The following SLC13A5 variants were observed in gnomAD, a reference collection of about 807,000 sequenced individuals.
SLC13A5 encodes Na(+)/citrate cotransporter.
In SLC13A5, 25 loss-of-function variants were observed where a neutral mutation model predicts 56.5. The observed-to-expected ratio is 0.44, with a 90% CI of 0.32 to 0.62. SLC13A5 has a LOEUF of 0.62. SLC13A5 is among the 20% of genes least tolerant of loss of function. The pLI is 0.04. For synonymous variants in SLC13A5, 307 were observed against 301.5 expected, an observed-to-expected ratio of 1.02 and a Z score of -0.19; for missense variants, 649 against 737.8, an observed-to-expected ratio of 0.88 and a Z score of 1.39.
Position 6,701,185 on chromosome 17 carries a change from T to C in SLC13A5, c.717-59A>G. 1 of 1,604,116 alleles carries C rather than the reference T, an allele frequency of 6.2e-7. No homozygotes were observed. The highest frequency in any genetic ancestry group is 8.5e-7 in the Non-Finnish European group (1 of 1,175,146). On this transcript the variant is annotated intron_variant, in intron 5 of 11. Coordinates refer to ENST00000433363, the MANE Select transcript of SLC13A5 (RefSeq NM_177550.5). This position sits in a 1 kb window ranked among gnomAD's most constrained non-coding sequence, Gnocchi z 4.1. Reference sequence around the variant, plus strand: ...TGAGCTGTGGGAGCCAGCCTGGCCCTGTGCGTGGGGACGGAGCAGCAGCTG... The same window carrying C: ...TGAGCTGTGGGAGCCAGCCTGGCCCCGTGCGTGGGGACGGAGCAGCAGCTG...
chr17:6,708,665 G>A (rs1335280511), intron 1 of SLC13A5, among the ~76,000 whole-genome samples: 1 of 152,248 alleles, frequency 6.6e-6, no homozygotes, highest in East Asian at 1.9e-4. Context: ...TTGAAAACAA[G>A]TTAGATAATT....
At chr17:6,710,477 G>A (rs1973990663) in intron 1 of SLC13A5, among the ~76,000 whole-genome samples, 1 of 152,156 alleles carries the variant, frequency 6.6e-6, no homozygotes, top group South Asian at 2.1e-4. Context: ...GCAGTAGGTG[G>A]CGTGCGTCAC....
Position 6,701,138 on chromosome 17 carries a change from C to T in SLC13A5, c.717-12G>A. 1.2e-6 allele frequency: 2 copies of T among 1,613,282 alleles called. No individual in the cohort carries two copies. Among genetic ancestry groups the T allele is most frequent in the South Asian group, 1.1e-5 (1 of 90,988 alleles). ...TGTCAGGAAACAACCTACAAGAAGA[C>T]ACCGGCCCCCACCTCAGATGCTGAG... On this transcript the variant is annotated splice_polypyrimidine_tract_variant and intron_variant, in intron 5 of 11. Transcript: ENST00000433363. The surrounding 1 kb of genome is among the most constrained non-coding windows in gnomAD (Gnocchi z 4.1).
At chr17:6,690,966 T>C (rs1404115250) in intron 9 of SLC13A5, 26 bp from the exon 10 acceptor site, 3 of 1,578,670 alleles carry the variant, frequency 1.9e-6, no homozygotes, top group Non-Finnish European at 2.6e-6. Context: ...AGGGCAGTCA[T>C]CTCAGCGCTC....
At position 6,706,588 on chromosome 17, in the gene SLC13A5, C is replaced by T. The variant is rs577613110; in HGVS notation, c.368+54G>A. The T allele has an allele frequency of 4.5e-4, 721 of 1,593,120 alleles. 10 individuals carry two copies. In the South Asian group the frequency reaches 6.4e-3, roughly 14 times the overall value. The stretch of plus-strand genomic sequence containing the variant: ...GGTCTGTGCCATCCTCCACCCCCTT[C>T]CAGCCCTGGGGCTCATGCAGAGCCA... On this transcript the variant is annotated intron_variant, in intron 3 of 11. Coordinates refer to ENST00000433363, the MANE Select transcript of SLC13A5 (RefSeq NM_177550.5).
chr17:6,695,650 C>A (rs1395966201), intron 7 of SLC13A5, 76 bp downstream of exon 7: 50 of 1,505,348 alleles, frequency 3.3e-5, no homozygotes, highest in Middle Eastern at 1.7e-4. Context: ...CTCAGCCTCC[C>A]AAAGTGCTGG....
In SLC13A5 at chr17:6,706,942, C is replaced by A. The variant is rs772032286; in HGVS notation, c.231+86G>T. ...ACAAATGAGGGTTTTCCGGTCACCC[C>A]CAGGCCTGTGCGACTCACAGTGGGG... On this transcript the variant is annotated intron_variant, in intron 2 of 11. Coordinates refer to ENST00000433363, the MANE Select transcript of SLC13A5 (RefSeq NM_177550.5). The A allele has an allele frequency of 1.9e-6, 3 of 1,588,634 alleles. No homozygotes were observed. In the Admixed American group the frequency reaches 5.1e-5, roughly 27 times the overall value.
chr17:6,703,788 A>C, intron 4 of SLC13A5, 90 bp downstream of exon 4: 2 of 1,361,180 alleles, frequency 1.5e-6, no homozygotes, highest in Non-Finnish European at 2.0e-6. Flanking sequence ...CGGGAAGCAG[A>C]CAGGGAGAAG....
intron 1 of SLC13A5, among the ~76,000 whole-genome samples, chr17:6,710,286 T>A (rs1166705922): frequency 2.0e-5 from 3 of 152,240 alleles, no homozygotes; most frequent in African/African-American, 7.2e-5. Context: ...TGCTTCTTAC[T>A]ATCATCAAGT....
chr17:6,691,349 T>G (rs1313316667), intron 9 of SLC13A5, among the ~76,000 whole-genome samples: 1 of 152,196 alleles, frequency 6.6e-6, no homozygotes, highest in Non-Finnish European at 1.5e-5. Context: ...TCTGTTCCCC[T>G]CCTTCCTTAT....
chr17:6,705,788 C>T (rs947100592), intron 3 of SLC13A5, among the ~76,000 whole-genome samples: 4 of 152,142 alleles, frequency 2.6e-5, no homozygotes, highest in Non-Finnish European at 4.4e-5. Flanking sequence ...GGGCCAAGGA[C>T]GTGCCATCAT....
chr17:6,691,918 C>A (rs1261619804), intron 9 of SLC13A5, among the ~76,000 whole-genome samples: 1 of 152,194 alleles, frequency 6.6e-6, no homozygotes, highest in Non-Finnish European at 1.5e-5. Context: ...GCCTTACCAG[C>A]CTCATCTTCT....
In SLC13A5 at chr17:6,690,810, G is replaced by C. The variant is rs1597656724; in HGVS notation, c.1406C>G (p.Thr469Ser). 4.3e-6 allele frequency: 7 copies of C among 1,614,242 alleles called. No individual in the cohort carries two copies. In the East Asian group the frequency reaches 1.6e-4, roughly 36 times the overall value. ...GGCAAAGATGGGCAGGAACAAGGTG[G>C]TGGTGGCCACGTTGCTTGTGCACTC... ...FTECTSNVAT[T>S]TLFLPIFASM... The change falls in exon 10 of 12, where the codon ACC (threonine) becomes AGC (serine). Residue 469 changes from threonine to serine, a missense_variant. Coordinates refer to ENST00000433363, the MANE Select transcript of SLC13A5 (RefSeq NM_177550.5).
intron 6 of SLC13A5, among the ~76,000 whole-genome samples, chr17:6,697,901 C>T (rs1298506534): frequency 6.6e-6 from 1 of 152,200 alleles, no homozygotes; most frequent in Non-Finnish European, 1.5e-5. Context: ...TAACCTCGTT[C>T]TCCAGGATCG....
At position 6,713,339 on chromosome 17, in the gene SLC13A5, G is replaced by A. The variant is rs758743938; in HGVS notation, c.-6C>T. 1.9e-6 allele frequency: 3 copies of A among 1,613,248 alleles called. No homozygotes were observed. The highest frequency in any genetic ancestry group is 2.2e-5 in the East Asian group (1 of 44,836). On this transcript the variant is annotated 5_prime_UTR_variant, in exon 1 of 12. Coordinates refer to ENST00000433363, the MANE Select transcript of SLC13A5 (RefSeq NM_177550.5). The surrounding 1 kb of genome is among the most constrained non-coding windows in gnomAD (Gnocchi z 7.3). ...TAGCTCAGCGCCGAGGCCATCGCGC[G>A]GGAGGGAGACTGGCGGGCGAGACGA...
Position 6,687,888 on chromosome 17 carries a change from T to C in SLC13A5, c.1438-222A>G. 2.1e-6 allele frequency: 1 copy of C among 473,138 alleles called. No individual in the cohort carries two copies. Among genetic ancestry groups the C allele is most frequent in the Non-Finnish European group, 3.6e-6 (1 of 274,150 alleles). The allele number at this position is 473,138 out of a possible 1,614,324, so 29.3% of individuals were successfully genotyped here. A position where few individuals can be genotyped will look rare whatever the true frequency, so the allele number is the denominator to read the frequency against. On this transcript the variant is annotated intron_variant, in intron 10 of 11. Transcript: ENST00000433363. The surrounding 1 kb of genome is among the most constrained non-coding windows in gnomAD (Gnocchi z 5.0). ...GCCCTAGAAGGCCTTACCCCCTCAA[T>C]TCATTCGACATGTATTTCTTGGGCA...
At position 6,706,744 on chromosome 17, in the gene SLC13A5, A is replaced by G. The variant is rs2151498242; in HGVS notation, c.266T>C (p.Leu89Pro). ...CVQYMKDTNM[L>P]FLGGLIVAVA... ...GGCCACGATGAGGCCGCCCAGGAAC[A>G]GCATGTTGGTGTCCTTCATGTACTG... is the stretch of plus-strand genomic sequence containing the variant. Residue 89 changes from leucine to proline, a missense_variant, in exon 3 of 12, where the codon CTG becomes CCG. Transcript: ENST00000433363. 6.2e-7 allele frequency: 1 copy of G among 1,614,102 alleles called. No individual in the cohort carries two copies. Among genetic ancestry groups the G allele is most frequent in the Non-Finnish European group, 8.5e-7 (1 of 1,180,006 alleles).
chr17:6,691,047 C>T, intron 9 of SLC13A5, 107 bp from the exon 10 acceptor site: 1 of 1,222,322 alleles, frequency 8.2e-7, no homozygotes, highest in Non-Finnish European at 1.1e-6. Context: ...TCTCTCTACA[C>T]CTCATAGGTG....
chr17:6,699,641 T>C (rs2151490875), intron 6 of SLC13A5, among the ~76,000 whole-genome samples: 1 of 152,258 alleles, frequency 6.6e-6, no homozygotes, highest in South Asian at 2.1e-4. Context: ...CAGCTAACTT[T>C]TGTATTTTTA....
Sources: gnomAD v4.1 joint callset for allele counts (sites outside exome capture counted in the v4.1 genomes callset) on GRCh38, gnomAD v4.1.1 for gene constraint, Gnocchi (gnomAD v3.1) non-coding constraint, MANE v1.5 for transcripts, NCBI Gene and HGNC (gene_info 2026-07-23, HGNC 2026-07-21) for gene names.